Variants in TMTC2 observed in about 807,000 individuals in gnomAD.
TMTC2 encodes protein O-mannosyl-transferase TMTC2.
In TMTC2, 43 loss-of-function variants were observed where a neutral mutation model predicts 82.4. The ratio of observed to expected loss-of-function variants is 0.52; its 90% CI spans 0.41 to 0.67. The LOEUF (loss-of-function observed/expected upper bound fraction) is 0.67, where lower values mean the gene tolerates loss of function less well. TMTC2 is among the 30% of genes least tolerant of loss of function. The probability of loss-of-function intolerance (pLI) is 0.00; values close to 1 mark genes in which losing one functional copy is unlikely to be tolerated. For missense variants in TMTC2, 919 were observed against 1,012.4 expected (o/e 0.91, Z 1.25); for synonymous variants, 408 against 381.9 (o/e 1.07, Z -0.80).
In TMTC2 at chr12:83,060,432, GT is replaced by G. The variant is rs1366741076; in HGVS notation, c.2268-1331del. Among the ~76,000 whole-genome samples, 3 of 151,536 alleles carry G rather than the reference GT, an allele frequency of 2.0e-5. No individual in the cohort carries two copies. In the Admixed American group the frequency reaches 2.0e-4, roughly 10 times the overall value. ...ACCTTCTCTTTTAAAACTTGAATAT[GT>G]TTTTCTAATTGAGAAAGTTAATTTT... On this transcript the variant is annotated intron_variant, in intron 10 of 11. Coordinates refer to ENST00000321196, the MANE Select transcript of TMTC2 (RefSeq NM_152588.3).
chr12:82,728,822 C>T (rs896092076), intron 1 of TMTC2, among the ~76,000 whole-genome samples: 14 of 152,334 alleles, frequency 9.2e-5, no homozygotes, highest in South Asian at 4.1e-4. Flanking sequence ...CAGGCCAGCG[C>T]GAGTTCCAGG....
At chr12:83,087,568 C>T (rs1039735861) in intron 11 of TMTC2, among the ~76,000 whole-genome samples, 19 of 151,636 alleles carry the variant, frequency 1.3e-4, no homozygotes, top group African/African-American at 4.4e-4. Context: ...AATTGCTCTT[C>T]GATCCATGGC....
intron 1 of TMTC2, among the ~76,000 whole-genome samples, chr12:82,767,875 T>C (rs1274704178): frequency 3.3e-5 from 5 of 152,186 alleles, no homozygotes; most frequent in Non-Finnish European, 7.3e-5. Context: ...CCTCCTCAGG[T>C]GATCCTCCCC....
At chr12:82,719,093 T>A (rs1396745011) in intron 1 of TMTC2, among the ~76,000 whole-genome samples, 28 of 114,612 alleles carry the variant, frequency 2.4e-4, no homozygotes, top group African/African-American at 7.8e-4. Flanking sequence ...ATATTTTTTT[T>A]TTTTTTTTTT....
At chr12:83,001,549 C>T (rs533218771) in intron 8 of TMTC2, among the ~76,000 whole-genome samples, 50 of 150,126 alleles carry the variant, frequency 3.3e-4, no homozygotes, top group African/African-American at 1.2e-3. Flanking sequence ...GCAGGAGAAT[C>T]GCTTGAACCT....
intron 11 of TMTC2, among the ~76,000 whole-genome samples, chr12:83,117,009 A>G (rs1381849013): frequency 6.6e-6 from 1 of 152,156 alleles, no homozygotes; most frequent in Non-Finnish European, 1.5e-5. Context: ...GCCTCAACCA[A>G]TGTCTAGAAG....
At chr12:83,121,958 C>T (rs1884961118) in intron 11 of TMTC2, among the ~76,000 whole-genome samples, 1 of 152,108 alleles carries the variant, frequency 6.6e-6, no homozygotes, top group Non-Finnish European at 1.5e-5. Context: ...CCAGGCCTCA[C>T]CCAGCTCCCA....
intron 1 of TMTC2, among the ~76,000 whole-genome samples, chr12:82,784,462 C>T (rs984727406): frequency 2.0e-5 from 3 of 152,024 alleles, no homozygotes; most frequent in Admixed American, 6.6e-5. Context: ...TATGATCGCA[C>T]GGCCTGATAC....
At chr12:82,967,128 A>G (rs911654295) in intron 7 of TMTC2, 131 bp downstream of exon 7, 12 of 675,722 alleles carry the variant, frequency 1.8e-5, no homozygotes, top group Non-Finnish European at 2.9e-5. Flanking sequence ...ACAATCTGGC[A>G]TCATACTCAA....
At chr12:83,110,885 C>G (rs969490671) in intron 11 of TMTC2, among the ~76,000 whole-genome samples, 2 of 152,230 alleles carry the variant, frequency 1.3e-5, no homozygotes, top group African/African-American at 4.8e-5. Flanking sequence ...CCACCCAGGT[C>G]TTTTTCTTGG....
Position 83,093,069 on chromosome 12 carries a change from A to G in TMTC2, c.2331+31238A>G, listed in dbSNP as rs530754753. Reference sequence around the variant, plus strand: ...CCTTGCAGGATATGCAAATAATTCTATGACCCATTCAGGACATTACTCTGT... The same window carrying G: ...CCTTGCAGGATATGCAAATAATTCTGTGACCCATTCAGGACATTACTCTGT... On this transcript the variant is annotated intron_variant, in intron 11 of 11. Coordinates refer to ENST00000321196, the MANE Select transcript of TMTC2 (RefSeq NM_152588.3). 1.7e-4 allele frequency among the ~76,000 whole-genome samples: 26 copies of G among 152,268 alleles called. No individual in the cohort carries two copies. The South Asian group carries it at 4.6e-3, about 27-fold the overall frequency.
intron 10 of TMTC2, among the ~76,000 whole-genome samples, 195 bp downstream of exon 10, chr12:83,051,213 T>C (rs1254556455): frequency 6.6e-6 from 1 of 152,190 alleles, no homozygotes; most frequent in Non-Finnish European, 1.5e-5. Context: ...ACGGGCCACA[T>C]GTGATCCAGG....
chr12:82,753,326 CT>C lies in TMTC2; in HGVS notation c.83+65673del, dbSNP rs541318020. ...AGTATGCTAGCTGAAAACATAATGGCTTTTTTTTTTTTTTTTGAGGAGAAGT... is the reference window on the plus strand; with the variant it reads ...AGTATGCTAGCTGAAAACATAATGGCTTTTTTTTTTTTTTTGAGGAGAAGT... On this transcript the variant is annotated intron_variant, in intron 1 of 11. Coordinates refer to ENST00000321196, the MANE Select transcript of TMTC2 (RefSeq NM_152588.3). Among the ~76,000 whole-genome samples the C allele has an allele frequency of 2.7e-3, 352 of 129,500 alleles. 1 individual carries two copies. Among genetic ancestry groups the C allele is most frequent in the Middle Eastern group, 4.1e-3 (1 of 246 alleles). The allele number at this position is 129,500 out of a possible 152,430, so 85.0% of individuals were successfully genotyped here.
intron 1 of TMTC2, among the ~76,000 whole-genome samples, chr12:82,837,962 G>A (rs965263710): frequency 3.3e-5 from 5 of 152,296 alleles, no homozygotes; most frequent in Admixed American, 2.6e-4. Flanking sequence ...TTTGCTACTT[G>A]CTGTGAAATC....
intron 1 of TMTC2, among the ~76,000 whole-genome samples, chr12:82,799,158 C>T (rs1371957649): frequency 2.0e-5 from 3 of 152,106 alleles, no homozygotes; most frequent in African/African-American, 7.2e-5. Context: ...TTCTTATGCT[C>T]ATGATAGCAC....
chr12:82,806,341 C>T (rs1336051314), intron 1 of TMTC2, among the ~76,000 whole-genome samples: 1 of 152,126 alleles, frequency 6.6e-6, no homozygotes, highest in Admixed American at 6.5e-5. Flanking sequence ...ATGACTGATA[C>T]TCCATGGCAA....
intron 8 of TMTC2, among the ~76,000 whole-genome samples, chr12:83,011,868 G>T (rs1376599157): frequency 1.3e-5 from 2 of 151,968 alleles, no homozygotes; most frequent in East Asian, 3.9e-4. Context: ...TATTTTTTTA[G>T]ATAATGAAAG....
At chr12:82,949,200 A>G (rs576026881) in intron 4 of TMTC2, among the ~76,000 whole-genome samples, 1 of 152,342 alleles carries the variant, frequency 6.6e-6, no homozygotes, top group East Asian at 1.9e-4. Context: ...TTACATAAAG[A>G]TTAGACGTCC....
chr12:82,917,855 G>A (rs1250823788), intron 3 of TMTC2, among the ~76,000 whole-genome samples: 5 of 150,000 alleles, frequency 3.3e-5, no homozygotes, highest in Non-Finnish European at 7.4e-5. Flanking sequence ...ACCCGCCTTG[G>A]CCTCCCAAGT....
Sources: allele counts gnomAD v4.1 joint callset (sites outside exome capture counted in the v4.1 genomes callset), GRCh38; gene constraint gnomAD v4.1.1; transcripts MANE v1.5; gene names NCBI Gene and HGNC (gene_info 2026-07-23, HGNC 2026-07-21).